The following PPHLN1 variants were observed in gnomAD, a reference collection of about 807,000 sequenced individuals.
PPHLN1 encodes periphilin-1.
A neutral mutation model predicts 51.3 loss-of-function variants in PPHLN1; 29 were observed. That is an observed-to-expected ratio of 0.57 (90% CI 0.42 to 0.77). The LOEUF (loss-of-function observed/expected upper bound fraction) is 0.77. Among genes scored for constraint, PPHLN1 ranks in the 30% least tolerant of loss-of-function variants. The probability of loss-of-function intolerance (pLI) is 0.00; values close to 1 mark genes in which losing one functional copy is unlikely to be tolerated. For synonymous variants in PPHLN1, 147 were observed against 147.8 expected, an observed-to-expected ratio of 0.99 and a Z score of 0.04; for missense variants, 436 against 438.4, an observed-to-expected ratio of 0.99 and a Z score of 0.05.
At chr12:42,350,491 G>A (rs1170069567) in intron 2 of PPHLN1, among the ~76,000 whole-genome samples, 1 of 149,736 alleles carries the variant, frequency 6.7e-6, no homozygotes, top group Non-Finnish European at 1.5e-5. Flanking sequence ...GTGGGCGACT[G>A]GGCAGAGGGG....
chr12:42,350,204 G>C (rs2073083584), intron 2 of PPHLN1: 1 of 152,122 alleles, frequency 6.6e-6, no homozygotes, highest in Non-Finnish European at 1.4e-5. Flanking sequence ...TCACCTCCCA[G>C]ACGGGGTGGT....
At chr12:42,376,890 T>C (rs1195269190) in intron 5 of PPHLN1, among the ~76,000 whole-genome samples, 1 of 152,214 alleles carries the variant, frequency 6.6e-6, no homozygotes, top group African/African-American at 2.4e-5. Flanking sequence ...GAAAGTTTTA[T>C]TGTGGAGATT....
At chr12:42,329,956 A>C (rs2069443921) in intron 1 of PPHLN1, 1 of 152,154 alleles carries the variant, frequency 6.6e-6, no homozygotes, top group Non-Finnish European at 1.5e-5. Context: ...CTCAGTATTT[A>C]TTGTTTACTA....
At chr12:42,431,959 C>T in intron 9 of PPHLN1, 1 of 1,486,820 alleles carries the variant, frequency 6.7e-7, no homozygotes, top group South Asian at 1.1e-5. Flanking sequence ...ATGAGATTTG[C>T]TGGCATCAGT....
intron 9 of PPHLN1, among the ~76,000 whole-genome samples, chr12:42,431,068 CCAAA>C (rs1232184381): frequency 1.3e-5 from 2 of 152,090 alleles, no homozygotes; most frequent in Non-Finnish European, 2.9e-5. Context: ...AATAAATAAA[CCAAA>C]CAAACCCTCA....
intron 2 of PPHLN1, among the ~76,000 whole-genome samples, chr12:42,339,370 A>T (rs563772338): frequency 1.0e-3 from 148 of 146,352 alleles, no homozygotes; most frequent in African/African-American, 3.0e-3. Flanking sequence ...ACTCAGGTGC[A>T]TTTTTTTTTT....
At chr12:42,365,298 T>A (rs1280829682) in intron 4 of PPHLN1, among the ~76,000 whole-genome samples, 1 of 152,248 alleles carries the variant, frequency 6.6e-6, no homozygotes, top group African/African-American at 2.4e-5. Flanking sequence ...AAGTCCCTAT[T>A]GACTAGAAAG....
intron 2 of PPHLN1, among the ~76,000 whole-genome samples, chr12:42,343,066 T>A (rs73120468): frequency 0.058 from 8,882 of 152,300 alleles, 286 homozygotes; most frequent in Admixed American, 0.077. Context: ...TTCTCAAATG[T>A]AAATGTACTC....
Position 42,382,070 on chromosome 12 carries a change from G to A in PPHLN1, c.512-2870G>A, listed in dbSNP as rs1461374785. Among the ~76,000 whole-genome samples, 3 of 152,146 alleles carry A rather than the reference G, an allele frequency of 2.0e-5. No homozygotes were observed. The East Asian group carries it at 5.8e-4, about 29-fold the overall frequency. On this transcript the variant is annotated intron_variant, in intron 5 of 9. Transcript: ENST00000358314. ...TGATGAATAGCACTTGATGTAGGAG[G>A]ATTGGATAAATTTGGTTAGATTTAT... is the stretch of plus-strand genomic sequence containing the variant.
At chr12:42,412,358 C>G (rs1346010899) in intron 9 of PPHLN1, among the ~76,000 whole-genome samples, 1 of 152,096 alleles carries the variant, frequency 6.6e-6, no homozygotes, top group East Asian at 1.9e-4. Flanking sequence ...GTTTCAGTTT[C>G]CTGAGTTACT....
chr12:42,401,894 GCCCATGC>G (rs2078875454), intron 9 of PPHLN1, among the ~76,000 whole-genome samples: 3 of 151,806 alleles, frequency 2.0e-5, no homozygotes, highest in African/African-American at 7.3e-5. Flanking sequence ...TTACTCTGTC[GCCCATGC>G]TGGAGTGCAG....
intron 3 of PPHLN1, among the ~76,000 whole-genome samples, chr12:42,352,513 G>GACC (rs1376822975): frequency 6.6e-6 from 1 of 151,332 alleles, no homozygotes; most frequent in African/African-American, 2.4e-5. Context: ...GGGTTCAAGT[G>GACC]ATTCTCCTGC....
chr12:42,390,220 A>G (rs2077570502), intron 7 of PPHLN1, among the ~76,000 whole-genome samples: 1 of 152,166 alleles, frequency 6.6e-6, no homozygotes, highest in African/African-American at 2.4e-5. Context: ...CTTCTTTGTG[A>G]CAACTTGTAT....
chr12:42,331,038 G>A (rs2069652824), intron 1 of PPHLN1, among the ~76,000 whole-genome samples: 1 of 152,154 alleles, frequency 6.6e-6, no homozygotes, highest in African/African-American at 2.4e-5. Flanking sequence ...AGTTTCTTAT[G>A]TCTTCCTTTT....
At chr12:42,344,929 C>T (rs983597406) in intron 2 of PPHLN1, among the ~76,000 whole-genome samples, 5 of 152,044 alleles carry the variant, frequency 3.3e-5, no homozygotes, top group Admixed American at 1.3e-4. Context: ...AGGCTGGTCT[C>T]GAATTCCTGG....
At chr12:42,397,400 T>A (rs558984436) in intron 8 of PPHLN1, among the ~76,000 whole-genome samples, 6 of 152,344 alleles carry the variant, frequency 3.9e-5, no homozygotes, top group African/African-American at 1.4e-4. Context: ...CTCGGACATA[T>A]ATATCTAATT....
chr12:42,352,710 G>A (rs1718509607), intron 3 of PPHLN1, among the ~76,000 whole-genome samples: 1 of 151,778 alleles, frequency 6.6e-6, no homozygotes, highest in Non-Finnish European at 1.5e-5. Context: ...TAGGATTATA[G>A]GTGTGAGCCA....
At chr12:42,388,592 G>T (rs919862647) in intron 7 of PPHLN1, among the ~76,000 whole-genome samples, 1 of 152,162 alleles carries the variant, frequency 6.6e-6, no homozygotes, top group Middle Eastern at 3.4e-3. Context: ...GTGAGCGTCG[G>T]TCCCCTGGGC....
chr12:42,368,220 TAC>T (rs2075458960), intron 4 of PPHLN1, among the ~76,000 whole-genome samples: 1 of 152,192 alleles, frequency 6.6e-6, no homozygotes, highest in East Asian at 1.9e-4. Flanking sequence ...TTTTTTTTCT[TAC>T]AGTTGTTTTG....
Sources: allele counts gnomAD v4.1 joint callset (sites outside exome capture counted in the v4.1 genomes callset), GRCh38; gene constraint gnomAD v4.1.1; transcripts MANE v1.5; gene names NCBI Gene and HGNC (gene_info 2026-07-23, HGNC 2026-07-21).